KBTBD11: variants seen among roughly 807,000 people sequenced by gnomAD.
KBTBD11 encodes kelch repeat and BTB domain containing 11.
For synonymous variants in KBTBD11, 747 were observed against 499.0 expected, an observed-to-expected ratio of 1.50 and a Z score of -6.63; for missense variants, 1,390 against 1,001.8, an observed-to-expected ratio of 1.39 and a Z score of -5.23.
Position 2,002,274 on chromosome 8 carries a change from T to C in KBTBD11, c.1082T>C (p.Leu361Pro). 1 of 1,320,042 alleles carries C rather than the reference T, an allele frequency of 7.6e-7. No homozygotes were observed. The highest frequency in any genetic ancestry group is 9.6e-7 in the Non-Finnish European group (1 of 1,042,584). 81.8% of individuals were successfully genotyped at this position (1,320,042 alleles called of 1,614,324 possible). ...GCGLCVLYNY[L>P]FVAGGVAPAG... ...GGCCTGTGCGTCCTCTACAACTACC[T>C]CTTCGTGGCGGGCGGCGTGGCGCCC... The change falls in exon 2 of 2, where the codon CTC (leucine) becomes CCC (proline). Residue 361 changes from leucine to proline, a missense_variant. Leu to Pro is a moderately conservative substitution (Grantham distance 98, BLOSUM62 -3). Coordinates refer to ENST00000320248, the MANE Select transcript of KBTBD11 (RefSeq NM_014867.3). The surrounding 1 kb of genome is among the most constrained non-coding windows in gnomAD (Gnocchi z 4.1).
intron 1 of KBTBD11, among the ~76,000 whole-genome samples, chr8:1,982,097 G>T (rs1454720219): frequency 6.6e-6 from 1 of 152,206 alleles, no homozygotes; most frequent in Non-Finnish European, 1.5e-5. Context: ...GCTGTCATTT[G>T]TGACATCAAA....
intron 1 of KBTBD11, among the ~76,000 whole-genome samples, chr8:1,982,218 C>G (rs1417848271): frequency 1.3e-5 from 2 of 152,024 alleles, no homozygotes; most frequent in Non-Finnish European, 2.9e-5. Flanking sequence ...TTTATGTAAG[C>G]CTCATGGTGA....
At position 2,001,687 on chromosome 8, in the gene KBTBD11, CCGCG is replaced by C. The variant is rs751099278; in HGVS notation, c.504_507del (p.Ala169ArgfsTer10). ...TGCTGGCGGCGCGCAGCGACTACTT[CCGCG>C]CGCGCGCGTCGCGGGACGTGCTGCG... On this transcript the variant is annotated frameshift_variant, in exon 2 of 2. Coordinates refer to ENST00000320248, the MANE Select transcript of KBTBD11 (RefSeq NM_014867.3). LOFTEE classifies it low-confidence loss of function (END_TRUNC). 2.1e-6 allele frequency: 3 copies of C among 1,440,922 alleles called. No homozygotes were observed. The highest frequency in any genetic ancestry group is 3.0e-5 in the East Asian group (1 of 33,210). 89.3% of individuals were successfully genotyped at this position (1,440,922 alleles called of 1,614,324 possible).
chr8:2,000,136 C>G (rs540865592), intron 1 of KBTBD11, 149 bp from the exon 2 acceptor site: 2 of 152,204 alleles, frequency 1.3e-5, no homozygotes, highest in Non-Finnish European at 2.9e-5. Context: ...TCATCAAACT[C>G]TCCAGCAGAG....
chr8:1,975,170 T>G (rs1200651554), intron 1 of KBTBD11: 2 of 152,398 alleles, frequency 1.3e-5, no homozygotes, highest in South Asian at 2.1e-4. Context: ...TGTGCAGATT[T>G]ATGGTAACTG....
Position 2,003,908 on chromosome 8 carries a change from G to C in KBTBD11, c.*844G>C, listed in dbSNP as rs1199466997. ...CTTGTCTATCTAAAAAGCAATCTTT[G>C]ATAGTCCACTCTGTATGCCCAGCCG... On this transcript the variant is annotated 3_prime_UTR_variant, in exon 2 of 2. Coordinates refer to ENST00000320248, the MANE Select transcript of KBTBD11 (RefSeq NM_014867.3). The C allele has an allele frequency of 6.0e-6, 1 of 166,886 alleles. No individual in the cohort carries two copies. The highest frequency in any genetic ancestry group is 1.5e-5 in the Non-Finnish European group (1 of 68,106). 10.3% of individuals were successfully genotyped at this position (166,886 alleles called of 1,614,324 possible).
In KBTBD11 at chr8:2,001,360, A is replaced by C; in HGVS notation, c.168A>C (p.Ser56=). 3 of 1,483,482 alleles carry C rather than the reference A, an allele frequency of 2.0e-6. No individual in the cohort carries two copies. The highest frequency in any genetic ancestry group is 2.7e-6 in the Non-Finnish European group (3 of 1,122,106). 91.9% of individuals were successfully genotyped at this position (1,483,482 alleles called of 1,614,324 possible). ...GEESPPQSLA[S]AAEGAATSPP... is the part of the protein sequence containing the mutation. ...AGTCCCCGCCGCAGTCCCTCGCCTC[A>C]GCGGCGGAAGGCGCGGCCACCTCCC... The change falls in exon 2 of 2, where the codon TCA becomes TCC. Residue 56 remains serine (S), a synonymous_variant. Transcript: ENST00000320248.
In KBTBD11 at chr8:2,001,940, G is replaced by A. The variant is rs779265629; in HGVS notation, c.748G>A (p.Glu250Lys). ...LSAAKRQRLN[E>K]LRDAAYCFMS... ...CGCGGCCAAGCGGCAGCGGCTGAACGAGCTGCGCGACGCCGCCTACTGCTT... is the reference window on the plus strand; with the variant it reads ...CGCGGCCAAGCGGCAGCGGCTGAACAAGCTGCGCGACGCCGCCTACTGCTT... Residue 250 changes from glutamate to lysine, a missense_variant, in exon 2 of 2, where the codon GAG (glutamate) becomes AAG (lysine). By Grantham distance (56) the Glu-to-Lys change is moderately conservative. Coordinates refer to ENST00000320248, the MANE Select transcript of KBTBD11 (RefSeq NM_014867.3). The A allele has an allele frequency of 1.4e-6, 2 of 1,472,918 alleles. No individual in the cohort carries two copies. Among genetic ancestry groups the A allele is most frequent in the Non-Finnish European group, 1.8e-6 (2 of 1,108,958 alleles). The allele number at this position is 1,472,918 out of a possible 1,614,324, so 91.2% of individuals were successfully genotyped here.
At chr8:1,979,796 C>T (rs957186662) in intron 1 of KBTBD11, among the ~76,000 whole-genome samples, 7 of 152,232 alleles carry the variant, frequency 4.6e-5, no homozygotes, top group South Asian at 2.1e-4. Context: ...TGAAGTGCAG[C>T]TGGGTGCAGG....
rs1277917705 is a variant in KBTBD11 at position 1,991,552 on chromosome 8, AT to A, written c.-908-8732del. On this transcript the variant is annotated intron_variant, in intron 1 of 1. Transcript: ENST00000320248. Reference sequence around the variant, plus strand: ...TCCCTCGATTCCAGCTCTGTGATCCATGAGGGCAGGGCCCTTGCTCCTGCAT... The same window carrying A: ...TCCCTCGATTCCAGCTCTGTGATCCAGAGGGCAGGGCCCTTGCTCCTGCAT... 2.0e-3 allele frequency among the ~76,000 whole-genome samples: 307 copies of A among 152,048 alleles called. 4 individuals are homozygous for A. The highest frequency in any genetic ancestry group is 7.0e-3 in the African/African-American group (290 of 41,318).
chr8:1,986,109 A>G (rs1189211708), intron 1 of KBTBD11, among the ~76,000 whole-genome samples: 1 of 152,198 alleles, frequency 6.6e-6, no homozygotes. Flanking sequence ...CATGTCATCA[A>G]CCTTCCTTCC....
chr8:1,991,537 C>T (rs527249734), intron 1 of KBTBD11, among the ~76,000 whole-genome samples: 1 of 151,368 alleles, frequency 6.6e-6, no homozygotes. Context: ...TCCCTCGATT[C>T]CAGCTCTGTG....
In KBTBD11 at chr8:1,992,429, G is replaced by A. The variant is rs114831777; in HGVS notation, c.-908-7856G>A. The stretch of plus-strand genomic sequence containing the variant: ...GCCAGACGGATGCCAGGAGAGGGGA[G>A]CGAGCTCGGTGGAGGCTTTTTCTTA... On this transcript the variant is annotated intron_variant, in intron 1 of 1. Transcript: ENST00000320248. Among the ~76,000 whole-genome samples the A allele has an allele frequency of 6.1e-3, 904 of 149,052 alleles. 19 individuals carry two copies. Among genetic ancestry groups the A allele is most frequent in the African/African-American group, 0.022 (865 of 40,036 alleles).
chr8:1,989,169 C>T (rs1453922670), intron 1 of KBTBD11, among the ~76,000 whole-genome samples: 1 of 152,162 alleles, frequency 6.6e-6, no homozygotes, highest in South Asian at 2.1e-4. Flanking sequence ...TTGGCTGAAT[C>T]AGTAATTCTT....
At chr8:1,984,895 C>G (rs1816661287) in intron 1 of KBTBD11, among the ~76,000 whole-genome samples, 1 of 152,188 alleles carries the variant, frequency 6.6e-6, no homozygotes, top group Non-Finnish European at 1.5e-5. Context: ...CGGCTGTTAT[C>G]TGAAAGGGTC....
chr8:1,997,168 C>T (rs1282693901), intron 1 of KBTBD11, among the ~76,000 whole-genome samples: 2 of 152,090 alleles, frequency 1.3e-5, no homozygotes, highest in African/African-American at 4.8e-5. Context: ...AGTAATTTCA[C>T]AGTAACAAGG....
At chr8:1,981,317 G>A (rs1400508787) in intron 1 of KBTBD11, among the ~76,000 whole-genome samples, 1 of 152,138 alleles carries the variant, frequency 6.6e-6, no homozygotes, top group Admixed American at 6.5e-5. Flanking sequence ...GAAAGAAAAG[G>A]ACACTAATTA....
rs541784458 is a variant in KBTBD11, at chr8:1,985,150, C to G, written c.-909+11215C>G. On this transcript the variant is annotated intron_variant, in intron 1 of 1. Coordinates refer to ENST00000320248, the MANE Select transcript of KBTBD11 (RefSeq NM_014867.3). ...AGTGGGAGGTGGCTCACTGGAGACC[C>G]CCAAAGAGGGTGGCCGATGGCCGAA... is the stretch of plus-strand genomic sequence containing the variant. Among the ~76,000 whole-genome samples, 7 of 152,314 alleles carry G rather than the reference C, an allele frequency of 4.6e-5. No homozygotes were observed. The East Asian group carries it at 1.2e-3, about 25-fold the overall frequency.
At chr8:1,984,778 A>G (rs1816657422) in intron 1 of KBTBD11, among the ~76,000 whole-genome samples, 1 of 152,172 alleles carries the variant, frequency 6.6e-6, no homozygotes, top group Non-Finnish European at 1.5e-5. Flanking sequence ...CATCTCCTGC[A>G]GTAAAATCTC....
Sources: allele counts gnomAD v4.1 joint callset (sites outside exome capture counted in the v4.1 genomes callset), GRCh38; gene constraint gnomAD v4.1.1; non-coding constraint Gnocchi (gnomAD v3.1); transcripts MANE v1.5; gene names NCBI Gene and HGNC (gene_info 2026-07-23, HGNC 2026-07-21).